The following GPM6B variants were observed in gnomAD, a reference collection of about 807,000 sequenced individuals.
GPM6B encodes the protein neuronal membrane glycoprotein M6-b.
GPM6B carries 4 observed loss-of-function variants against 27.2 expected under a neutral mutation model. The observed-to-expected ratio is 0.15, with a 90% CI of 0.07 to 0.34. The LOEUF is 0.34. Ranked by LOEUF, GPM6B falls within the 10% of genes least tolerant of loss-of-function variation. The pLI, the probability that GPM6B is intolerant of heterozygous loss-of-function variation, is 1.00. For missense variants in GPM6B, 183 were observed against 261.9 expected (o/e 0.70, Z 2.08); for synonymous variants, 124 against 103.1 (o/e 1.20, Z -1.23).
rs758822725 is a variant in GPM6B at position 13,855,426 on chromosome X, GC to G, written c.-197-69619del. Among the ~76,000 whole-genome samples the G allele has an allele frequency of 7.4e-3, 833 of 112,067 alleles. 6 individuals are homozygous for G. Among genetic ancestry groups the G allele is most frequent in the Non-Finnish European group, 0.012 (634 of 53,174 alleles). On this transcript the variant is annotated intron_variant, in intron 1 of 6. Coordinates refer to the GPM6B transcript ENST00000398361. ...TCTGGCTTCTTTCAGTCACCAACAT[GC>G]TTGTGAGACTCATCTATGTTGCTGT...
chrX:13,907,372 T>A (rs961942098), intron 1 of GPM6B, among the ~76,000 whole-genome samples: 9 of 112,709 alleles, frequency 8.0e-5, no homozygotes, highest in Middle Eastern at 4.6e-3. Context: ...TACAAATTAC[T>A]CTTAACCATT....
chrX:13,836,879 A>C (rs761629900), intron 1 of GPM6B, among the ~76,000 whole-genome samples: 5 of 112,552 alleles, frequency 4.4e-5, no homozygotes, highest in African/African-American at 1.6e-4. Context: ...CATACATTTA[A>C]AAAACTGAGC....
At chrX:13,844,846 TA>T (rs2049624587) in intron 1 of GPM6B, among the ~76,000 whole-genome samples, 1 of 112,071 alleles carries the variant, frequency 8.9e-6, no homozygotes, top group South Asian at 3.7e-4. Flanking sequence ...TAAACAAAAA[TA>T]AGAAAACAGA....
At chrX:13,825,001 C>G (rs1471044689) in intron 1 of GPM6B, among the ~76,000 whole-genome samples, 2 of 111,846 alleles carry the variant, frequency 1.8e-5, no homozygotes, top group Admixed American at 9.4e-5. Flanking sequence ...CACTCCATCT[C>G]TGCCTCCGTC....
At chrX:13,892,614 C>T (rs771214935) in intron 1 of GPM6B, among the ~76,000 whole-genome samples, 23 of 111,910 alleles carry the variant, frequency 2.1e-4, no homozygotes, top group Non-Finnish European at 3.8e-4. Context: ...AGGCTGGATT[C>T]AAACTCCTGG....
chrX:13,849,463 G>A (rs1721535366), intron 1 of GPM6B, among the ~76,000 whole-genome samples: 1 of 112,067 alleles, frequency 8.9e-6, no homozygotes. Context: ...GAGGCCAGAT[G>A]TGTACATGGG....
chrX:13,900,857 C>CT (rs763806220), intron 1 of GPM6B, among the ~76,000 whole-genome samples: 14 of 112,073 alleles, frequency 1.2e-4, no homozygotes, highest in African/African-American at 3.6e-4. Flanking sequence ...AGGCTTCCAA[C>CT]TAATAACATT....
chrX:13,905,098 G>A (rs754961715), intron 1 of GPM6B, among the ~76,000 whole-genome samples: 2 of 108,101 alleles, frequency 1.9e-5, no homozygotes, highest in African/African-American at 3.4e-5. Flanking sequence ...AGGCATGGTG[G>A]TGCACGCCTG....
At chrX:13,906,596 T>C (rs943129913) in intron 1 of GPM6B, among the ~76,000 whole-genome samples, 2 of 112,531 alleles carry the variant, frequency 1.8e-5, no homozygotes, top group Non-Finnish European at 3.8e-5. Context: ...ATCACTCATG[T>C]TGTAACTCAT....
intron 2 of GPM6B, among the ~76,000 whole-genome samples, chrX:13,794,671 C>T (rs1031304988): frequency 1.8e-5 from 2 of 112,160 alleles, no homozygotes; most frequent in African/African-American, 3.2e-5. Flanking sequence ...CTCACTACCA[C>T]GCGCTCGCAA....
chrX:13,824,232 C>G (rs368510705), intron 1 of GPM6B, among the ~76,000 whole-genome samples: 2 of 112,284 alleles, frequency 1.8e-5, no homozygotes, highest in South Asian at 7.5e-4. Context: ...CAAGTGTCTC[C>G]TGGAGGGTAA....
Position 13,789,842 on chromosome X carries a change from T to G in GPM6B, c.182-4034A>C, listed in dbSNP as rs560318403. On this transcript the variant is annotated intron_variant, in intron 2 of 7. Transcript: ENST00000316715. ...AATCATGGGAAGCCACTGCGTTTTT[T>G]TTTTGTTTTGTTTTGTTTTTTGAAA... is the stretch of plus-strand genomic sequence containing the variant. 2.1e-4 allele frequency among the ~76,000 whole-genome samples: 23 copies of G among 111,100 alleles called. 2 individuals carry two copies. In the South Asian group the frequency reaches 6.2e-3, roughly 30 times the overall value.
At chrX:13,915,610 A>T (rs1040107823) in intron 1 of GPM6B, among the ~76,000 whole-genome samples, 2 of 112,997 alleles carry the variant, frequency 1.8e-5, no homozygotes, top group South Asian at 7.2e-4. Flanking sequence ...CATCTGTGAT[A>T]CAATGAGGAT....
intron 1 of GPM6B, among the ~76,000 whole-genome samples, chrX:13,917,587 T>C (rs1012108068): frequency 1.8e-5 from 2 of 112,365 alleles, no homozygotes; most frequent in Non-Finnish European, 3.8e-5. Context: ...AATAAATTTA[T>C]AGACATAATT....
At chrX:13,924,618 A>G (rs1400402997) in intron 1 of GPM6B, among the ~76,000 whole-genome samples, 1 of 111,909 alleles carries the variant, frequency 8.9e-6, no homozygotes, top group Non-Finnish European at 1.9e-5. Flanking sequence ...CCTTCAACGG[A>G]AGGATATTCC....
chrX:13,917,076 G>A (rs2050437237), intron 1 of GPM6B, among the ~76,000 whole-genome samples: 1 of 110,812 alleles, frequency 9.0e-6, no homozygotes, highest in Non-Finnish European at 1.9e-5. Flanking sequence ...GCCAGATGTG[G>A]TGGTGCACAA....
intron 1 of GPM6B, among the ~76,000 whole-genome samples, chrX:13,897,088 T>C (rs1273098668): frequency 8.9e-6 from 1 of 112,617 alleles, no homozygotes; most frequent in Non-Finnish European, 1.9e-5. Context: ...TGTGTTTGCT[T>C]GTGTTAAGTA....
chrX:13,880,067 T>C (rs934489135), intron 1 of GPM6B, among the ~76,000 whole-genome samples: 16 of 112,570 alleles, frequency 1.4e-4, no homozygotes, highest in African/African-American at 5.2e-4. Flanking sequence ...TTCTTTGCTC[T>C]TGCTTCGCAA....
At chrX:13,773,144 A>ACCTTCGCCCCTT (rs2048331705) in intron 7 of GPM6B, 114 bp from the exon 8 acceptor site, 1 of 581,012 alleles carries the variant, frequency 1.7e-6, no homozygotes, top group Non-Finnish European at 2.7e-6. Flanking sequence ...TTCTGTATTA[A>ACCTTCGCCCCTT]TAAATACTCG....
Sources: allele counts gnomAD v4.1 joint callset (sites outside exome capture counted in the v4.1 genomes callset), GRCh38; gene constraint gnomAD v4.1.1; transcripts MANE v1.5; gene names NCBI Gene and HGNC (gene_info 2026-07-23, HGNC 2026-07-21).